NEURL1: variants seen among roughly 807,000 people sequenced by gnomAD.
NEURL1 encodes the protein E3 ubiquitin-protein ligase NEURL1.
Under a neutral mutation model 41.2 loss-of-function variants are expected in NEURL1, and 26 were observed. The observed-to-expected ratio is 0.63, with a 90% CI of 0.46 to 0.87. The LOEUF (loss-of-function observed/expected upper bound fraction) is 0.87. Among genes scored for constraint, NEURL1 ranks in the 40% least tolerant of loss-of-function variants. The pLI, the probability that NEURL1 is intolerant of heterozygous loss-of-function variation, is 0.00. For missense variants in NEURL1, 761 were observed against 871.1 expected (o/e 0.87, Z 1.59); for synonymous variants, 400 against 402.3 (o/e 0.99, Z 0.07).
intron 1 of NEURL1, among the ~76,000 whole-genome samples, chr10:103,514,724 A>T (rs1419235463): frequency 6.6e-6 from 1 of 152,146 alleles, no homozygotes; most frequent in Non-Finnish European, 1.5e-5. Flanking sequence ...TAACTAGGCT[A>T]TTAATTTGGG....
intron 1 of NEURL1, among the ~76,000 whole-genome samples, chr10:103,528,170 A>C (rs943915203): frequency 6.6e-6 from 1 of 152,206 alleles, no homozygotes; most frequent in East Asian, 1.9e-4. Context: ...AGCCTGGCCA[A>C]CCTGGTGAAA....
intron 1 of NEURL1, among the ~76,000 whole-genome samples, chr10:103,538,652 T>C (rs1251704064): frequency 7.5e-6 from 1 of 134,140 alleles, no homozygotes; most frequent in East Asian, 2.1e-4. Context: ...TCTTTCTTCC[T>C]TTTTTTTTTT....
intron 1 of NEURL1, among the ~76,000 whole-genome samples, chr10:103,562,414 G>A (rs1392751845): frequency 6.6e-6 from 1 of 152,124 alleles, no homozygotes; most frequent in Admixed American, 6.5e-5. Flanking sequence ...AAAGAAAGTG[G>A]TCTCTGCCCT....
Position 103,584,581 on chromosome 10 carries a change from C to A in NEURL1, c.695C>A (p.Thr232Asn). The change falls in exon 4 of 6, where the codon ACC becomes AAC. Residue 232 changes from threonine (T) to asparagine (N), a missense_variant. Physicochemically the swap from Thr to Asn is moderately conservative, Grantham distance 65. Coordinates refer to ENST00000369780, the MANE Select transcript of NEURL1 (RefSeq NM_004210.5). ...GACTGTCTGCGGCCGCGCTCCTTCA[C>A]CGCCCTGCGGCGGCCGTCGCTGCGG... ...LPDCLRPRSF[T>N]ALRRPSLRRE... is the part of the protein sequence containing the mutation. 1 of 1,418,848 alleles carries A rather than the reference C, an allele frequency of 7.0e-7. No individual in the cohort carries two copies. The highest frequency in any genetic ancestry group is 1.5e-5 in the African/African-American group (1 of 66,646). 87.9% of individuals were successfully genotyped at this position (1,418,848 alleles called of 1,614,324 possible).
At chr10:103,550,533 T>C (rs1397580368) in intron 1 of NEURL1, 1 of 152,290 alleles carries the variant, frequency 6.6e-6, no homozygotes, top group African/African-American at 2.4e-5. Flanking sequence ...ACATCTCCAG[T>C]GTCTGTCTGG....
chr10:103,510,233 G>A (rs1307418828), intron 1 of NEURL1, among the ~76,000 whole-genome samples: 1 of 152,156 alleles, frequency 6.6e-6, no homozygotes, highest in African/African-American at 2.4e-5. Context: ...GCTTTGGCCG[G>A]ACAGTGATGT....
rs1161033766 is a variant in NEURL1, at chr10:103,584,896, C to A, written c.1010C>A (p.Thr337Asn). ...AGCCGGCCCGTGCGCGTGGCCGAGA[C>A]CATCTTCGTCAAGGTCACGCGCTCG... ...FTSRPVRVAE[T>N]IFVKVTRSGG... The change falls in exon 4 of 6, where the codon ACC becomes AAC. Residue 337 changes from threonine to asparagine, a missense_variant. By Grantham distance (65) the Thr-to-Asn change is moderately conservative. Around this residue, in one of 5 missense-constraint regions of NEURL1, gnomAD observed 443 missense variants for 408.1 expected, o/e 1.09. Transcript: ENST00000369780. 7.5e-6 allele frequency: 11 copies of A among 1,460,306 alleles called. No individual in the cohort carries two copies. Among genetic ancestry groups the A allele is most frequent in the African/African-American group, 1.5e-5 (1 of 67,446 alleles). The allele number at this position is 1,460,306 out of a possible 1,614,324, so 90.5% of individuals were successfully genotyped here. A position where few individuals can be genotyped will look rare whatever the true frequency, so the allele number is the denominator to read the frequency against.
At chr10:103,565,239 AG>A (rs2035395260) in intron 1 of NEURL1, among the ~76,000 whole-genome samples, 1 of 152,170 alleles carries the variant, frequency 6.6e-6, no homozygotes, top group Non-Finnish European at 1.5e-5. Context: ...CCATGGCAGG[AG>A]ATGCCCAGCA....
At chr10:103,502,928 C>T (rs2033857222) in intron 1 of NEURL1, among the ~76,000 whole-genome samples, 1 of 152,184 alleles carries the variant, frequency 6.6e-6, no homozygotes. Flanking sequence ...CAACCCTGGG[C>T]AGGATGCAAG....
chr10:103,494,202 C>G lies in NEURL1; in HGVS notation c.-186C>G. 2.0e-6 allele frequency: 1 copy of G among 512,184 alleles called. No homozygotes were observed. The highest frequency in any genetic ancestry group is 2.6e-5 in the South Asian group (1 of 37,736). 31.7% of individuals were successfully genotyped at this position (512,184 alleles called of 1,614,324 possible). On this transcript the variant is annotated 5_prime_UTR_variant, in exon 1 of 6. Coordinates refer to ENST00000369780, the MANE Select transcript of NEURL1 (RefSeq NM_004210.5). The stretch of plus-strand genomic sequence containing the variant: ...GCCAGGACACCCGTGGCGGGCGGAA[C>G]CCGCCAAGGACCGCGAAGTCCAGAG...
intron 1 of NEURL1, among the ~76,000 whole-genome samples, chr10:103,546,895 G>A (rs1400270933): frequency 6.6e-6 from 1 of 152,206 alleles, no homozygotes; most frequent in Non-Finnish European, 1.5e-5. Context: ...ACAGCTCTGG[G>A]CAGACTGACT....
Position 103,500,586 on chromosome 10 carries a change from A to G in NEURL1, c.85+6114A>G, listed in dbSNP as rs187577128. Among the ~76,000 whole-genome samples, 83 of 152,256 alleles carry G rather than the reference A, an allele frequency of 5.5e-4. 1 individual carries two copies. In the East Asian group the frequency reaches 0.014, roughly 26 times the overall value. ...CCCCAGGGCCGGGAAAGGGCACACAATGGGGTTCTTGATGCTTTCTCCCTT... is the reference window on the plus strand; with the variant it reads ...CCCCAGGGCCGGGAAAGGGCACACAGTGGGGTTCTTGATGCTTTCTCCCTT... On this transcript the variant is annotated intron_variant, in intron 1 of 5. Transcript: ENST00000369780.
At chr10:103,507,685 G>C (rs964110474) in intron 1 of NEURL1, among the ~76,000 whole-genome samples, 3 of 152,178 alleles carry the variant, frequency 2.0e-5, no homozygotes, top group African/African-American at 4.8e-5. Context: ...CAGGTGAGCA[G>C]GCTGGGCAGG....
chr10:103,588,122 A>C (rs1314781664), intron 4 of NEURL1, among the ~76,000 whole-genome samples: 1 of 151,830 alleles, frequency 6.6e-6, no homozygotes, highest in Non-Finnish European at 1.5e-5. Flanking sequence ...GGTTAACATG[A>C]TGAAACCCCG....
chr10:103,574,839 G>C (rs890446272), intron 3 of NEURL1, among the ~76,000 whole-genome samples: 2 of 152,188 alleles, frequency 1.3e-5, no homozygotes, highest in African/African-American at 4.8e-5. Flanking sequence ...GTTCCTGACA[G>C]GCTCCTCTCT....
chr10:103,519,887 C>CA (rs2034306653), intron 1 of NEURL1, among the ~76,000 whole-genome samples: 1 of 151,742 alleles, frequency 6.6e-6, no homozygotes, highest in Non-Finnish European at 1.5e-5. Context: ...GGGGCTCAAG[C>CA]AATTCTCCCA....
At position 103,589,565 on chromosome 10, in the gene NEURL1, C is replaced by A; in HGVS notation, c.1391C>A (p.Ala464Asp). The A allele has an allele frequency of 6.2e-7, 1 of 1,613,980 alleles. No individual in the cohort carries two copies. Among genetic ancestry groups the A allele is most frequent in the Non-Finnish European group, 8.5e-7 (1 of 1,179,918 alleles). Residue 464 changes from alanine (A) to aspartate (D), a missense_variant, in exon 5 of 6, where the codon GCC becomes GAC. Physicochemically the swap from Ala to Asp is moderately radical, Grantham distance 126. Coordinates refer to ENST00000369780, the MANE Select transcript of NEURL1 (RefSeq NM_004210.5). ...ATCCCATCACTCCCCTGCTCCCCTG[C>A]CTCCACGCCAACCTCGCCCAGTGCC... ...RGIPSLPCSP[A>D]STPTSPSALG...
At chr10:103,579,702 G>A (rs1249632597) in intron 3 of NEURL1, among the ~76,000 whole-genome samples, 1 of 152,174 alleles carries the variant, frequency 6.6e-6, no homozygotes, top group East Asian at 1.9e-4. Context: ...AGCACTTTGG[G>A]AGGCTGAGGC....
At chr10:103,563,182 A>G (rs1044298443) in intron 1 of NEURL1, among the ~76,000 whole-genome samples, 7 of 152,146 alleles carry the variant, frequency 4.6e-5, no homozygotes, top group Admixed American at 4.6e-4. Context: ...TGCAGTAGTT[A>G]TGTTTGCTTT....
Sources: gnomAD v4.1 joint callset for allele counts (sites outside exome capture counted in the v4.1 genomes callset) on GRCh38, gnomAD v4.1.1 for gene constraint, gnomAD v4.1.1 regional missense constraint, MANE v1.5 for transcripts, NCBI Gene and HGNC (gene_info 2026-07-23, HGNC 2026-07-21) for gene names.